Variants in KIAA0319L observed in about 807,000 individuals in gnomAD.
KIAA0319L encodes the protein dyslexia-associated protein KIAA0319-like protein.
KIAA0319L carries 55 observed loss-of-function variants against 120.1 expected under a neutral mutation model. The ratio of observed to expected loss-of-function variants is 0.46; its 90% CI spans 0.37 to 0.57. The LOEUF (loss-of-function observed/expected upper bound fraction) is 0.57. Among genes scored for constraint, KIAA0319L ranks in the 20% least tolerant of loss-of-function variants. The pLI is 0.00. For missense variants in KIAA0319L, 1,049 were observed against 1,255.3 expected, an observed-to-expected ratio of 0.84 and a Z score of 2.48; for synonymous variants, 398 against 471.9, an observed-to-expected ratio of 0.84 and a Z score of 2.03.
At chr1:35,503,166 T>C (rs192117246) in intron 3 of KIAA0319L, among the ~76,000 whole-genome samples, 248 of 152,278 alleles carry the variant, frequency 1.6e-3, no homozygotes, top group Non-Finnish European at 3.0e-3. Flanking sequence ...GTTTCTACTA[T>C]CCATAAATGA....
chr1:35,532,650 T>C (rs1259525757), intron 2 of KIAA0319L, among the ~76,000 whole-genome samples: 1 of 152,154 alleles, frequency 6.6e-6, no homozygotes, highest in East Asian at 1.9e-4. Context: ...AAGATGAAAA[T>C]ATACTCCAAT....
intron 20 of KIAA0319L, 115 bp from the exon 21 acceptor site, chr1:35,435,196 C>T: frequency 1.1e-6 from 1 of 938,142 alleles, no homozygotes; most frequent in Admixed American, 2.4e-5. Flanking sequence ...AGGCTCCTCT[C>T]CAGGCTGGGA....
chr1:35,443,310 A>C (rs971880251), intron 17 of KIAA0319L: 4 of 355,970 alleles, frequency 1.1e-5, no homozygotes, highest in Non-Finnish European at 2.1e-5. Flanking sequence ...CCTTCTCACA[A>C]TTGGAAAAAT....
chr1:35,499,027 G>C (rs1465376796), intron 3 of KIAA0319L, among the ~76,000 whole-genome samples: 1 of 152,090 alleles, frequency 6.6e-6, no homozygotes, highest in African/African-American at 2.4e-5. Flanking sequence ...AATATGGCAG[G>C]GTTTATCTTT....
Position 35,454,483 on chromosome 1 carries a change from A to G in KIAA0319L, c.1659T>C (p.Gly553=). Residue 553 remains glycine (G), a splice_region_variant and synonymous_variant, in exon 11 of 21, where the codon GGT becomes GGC. Transcript: ENST00000325722. ...AGAGCTGTAAGGTTGGTGTTCTAAC[A>G]CCCTACAAATACAAATACAGAAGTG... is the stretch of plus-strand genomic sequence containing the variant. ...SSKGKVVEMQ[G]VRTPTLQLSA... is the part of the protein sequence containing the mutation. 6.2e-7 allele frequency: 1 copy of G among 1,613,990 alleles called. No individual in the cohort carries two copies. Among genetic ancestry groups the G allele is most frequent in the Non-Finnish European group, 8.5e-7 (1 of 1,179,906 alleles).
intron 2 of KIAA0319L, among the ~76,000 whole-genome samples, chr1:35,513,356 C>T (rs1401694692): frequency 7.0e-6 from 1 of 143,036 alleles, no homozygotes; most frequent in East Asian, 2.1e-4. Context: ...GGCTCACTCC[C>T]ATAATCCCAG....
At chr1:35,534,938 A>G (rs1646516860) in intron 2 of KIAA0319L, among the ~76,000 whole-genome samples, 1 of 150,452 alleles carries the variant, frequency 6.6e-6, no homozygotes, top group African/African-American at 2.4e-5. Flanking sequence ...CCAACATGGC[A>G]GTCAAAAAAT....
chr1:35,516,070 A>G (rs1263551915), intron 2 of KIAA0319L, among the ~76,000 whole-genome samples: 1 of 152,144 alleles, frequency 6.6e-6, no homozygotes, highest in East Asian at 1.9e-4. Flanking sequence ...TAGCCTACCA[A>G]CCAAAAAAAG....
chr1:35,498,321 G>A (rs903088918), intron 3 of KIAA0319L, among the ~76,000 whole-genome samples: 2 of 150,108 alleles, frequency 1.3e-5, no homozygotes, highest in African/African-American at 4.9e-5. Flanking sequence ...AAATAAGTGC[G>A]AAACTCCCAT....
intron 13 of KIAA0319L, among the ~76,000 whole-genome samples, chr1:35,450,909 A>T (rs977804468): frequency 6.6e-6 from 1 of 152,232 alleles, no homozygotes; most frequent in African/African-American, 2.4e-5. Context: ...ATATCTTAAA[A>T]TGTTATTCTC....
chr1:35,493,321 T>A (rs1644669237), intron 3 of KIAA0319L, among the ~76,000 whole-genome samples: 1 of 152,060 alleles, frequency 6.6e-6, no homozygotes, highest in Non-Finnish European at 1.5e-5. Context: ...CACAAATATA[T>A]ATACCTACTA....
intron 4 of KIAA0319L, 60 bp downstream of exon 4, chr1:35,478,906 G>C: frequency 6.4e-7 from 1 of 1,571,034 alleles, no homozygotes; most frequent in Non-Finnish European, 8.7e-7. Context: ...CCTCTAAAAG[G>C]GAATACTTTG....
intron 3 of KIAA0319L, among the ~76,000 whole-genome samples, chr1:35,480,201 A>T (rs1644106084): frequency 6.6e-6 from 1 of 152,308 alleles, no homozygotes; most frequent in Non-Finnish European, 1.5e-5. Flanking sequence ...TGACAGCCAT[A>T]AGCAAAGTGA....
chr1:35,481,324 CATAAGT>C (rs1364589373), intron 3 of KIAA0319L, among the ~76,000 whole-genome samples: 3 of 152,194 alleles, frequency 2.0e-5, no homozygotes, highest in Non-Finnish European at 2.9e-5. Context: ...GCTGGTTATA[CATAAGT>C]ATATGTTTAA....
chr1:35,526,410 T>TACATATATATATATATATATATAC (rs1558596590), intron 2 of KIAA0319L, among the ~76,000 whole-genome samples: 11 of 137,510 alleles, frequency 8.0e-5, no homozygotes, highest in Admixed American at 3.8e-4. Flanking sequence ...TATATATATA[T>TACATATATATATATATATATATAC]ACACACATAC....
chr1:35,547,740 G>A (rs1185603217), intron 2 of KIAA0319L, among the ~76,000 whole-genome samples: 1 of 152,166 alleles, frequency 6.6e-6, no homozygotes. Flanking sequence ...GGGGAGGAGA[G>A]GATAGGGAGT....
At chr1:35,504,964 T>C (rs191532195) in intron 3 of KIAA0319L, among the ~76,000 whole-genome samples, 83 of 152,344 alleles carry the variant, frequency 5.4e-4, no homozygotes, top group Non-Finnish European at 9.7e-4. Flanking sequence ...CACTTTGAAA[T>C]TGTTATTTCC....
At chr1:35,466,558 G>A in intron 7 of KIAA0319L, 50 bp downstream of exon 7, 1 of 1,233,664 alleles carries the variant, frequency 8.1e-7, no homozygotes, top group Non-Finnish European at 1.2e-6. Context: ...TATCTCCTCA[G>A]GAGTCCTGCA....
intron 2 of KIAA0319L, among the ~76,000 whole-genome samples, chr1:35,537,625 A>AAT (rs1646632181): frequency 1.3e-5 from 2 of 150,502 alleles, no homozygotes; most frequent in South Asian, 4.2e-4. Flanking sequence ...TAAAAAAAAA[A>AAT]AAAAAAAAAA....
Sources: allele counts gnomAD v4.1 joint callset (sites outside exome capture counted in the v4.1 genomes callset), GRCh38; gene constraint gnomAD v4.1.1; transcripts MANE v1.5; gene names NCBI Gene and HGNC (gene_info 2026-07-23, HGNC 2026-07-21).